The following PRDM11 variants were observed in gnomAD, a reference collection of about 807,000 sequenced individuals.
PRDM11 encodes PR domain-containing protein 11.
Under a neutral mutation model 97.8 loss-of-function variants are expected in PRDM11, and 20 were observed. The observed-to-expected ratio is 0.20, with a 90% CI of 0.14 to 0.30. PRDM11 has a LOEUF of 0.30. Ranked by LOEUF, PRDM11 falls within the 10% of genes least tolerant of loss-of-function variation. The probability of loss-of-function intolerance (pLI) is 1.00; values close to 1 mark genes in which losing one functional copy is unlikely to be tolerated. For missense variants in PRDM11, 1,139 were observed against 1,555.2 expected, an observed-to-expected ratio of 0.73 and a Z score of 4.50; for synonymous variants, 599 against 637.7, an observed-to-expected ratio of 0.94 and a Z score of 0.91.
intron 1 of PRDM11, among the ~76,000 whole-genome samples, chr11:45,132,742 C>G (rs1852746916): frequency 6.6e-6 from 1 of 152,186 alleles, no homozygotes; most frequent in South Asian, 2.1e-4. Context: ...AAGTCAACCT[C>G]TTACAGGAAA....
At chr11:45,209,257 G>T in intron 5 of PRDM11, 1 of 380,628 alleles carries the variant, frequency 2.6e-6, no homozygotes, top group Non-Finnish European at 5.3e-6. Context: ...GGCTTCCCCA[G>T]GGCGGAACTG....
intron 5 of PRDM11, chr11:45,215,700 A>G (rs1049262026): frequency 6.6e-6 from 1 of 152,250 alleles, no homozygotes; most frequent in African/African-American, 2.4e-5. Flanking sequence ...GGTGAGAGAC[A>G]GAAATGAATT....
Position 45,098,382 on chromosome 11 carries a change from A to G in PRDM11, c.96+2481A>G, listed in dbSNP as rs535183112. 4.7e-3 allele frequency among the ~76,000 whole-genome samples: 722 copies of G among 152,352 alleles called. 2 individuals are homozygous for G. Among genetic ancestry groups the G allele is most frequent in the Non-Finnish European group, 8.1e-3 (552 of 68,028 alleles). ...CTCTGCACCAGACACCAGGGAAGGA[A>G]GAGCACAGATGAATGGAGACTGTGC... On this transcript the variant is annotated intron_variant, in intron 1 of 6. Coordinates refer to the PRDM11 transcript ENST00000530656.
chr11:45,233,159 G>A lies in PRDM11; in HGVS notation c.*5000G>A, dbSNP rs1465883808. On this transcript the variant is annotated 3_prime_UTR_variant, in exon 8 of 8. Coordinates refer to ENST00000683152, the MANE Select transcript of PRDM11 (RefSeq NM_001384648.1). Reference sequence around the variant, plus strand: ...TGTTTTAAATAGATATAAAAATAGAGTCTATAGAGCTGGGAGAGCAGTGGG... The same window carrying A: ...TGTTTTAAATAGATATAAAAATAGAATCTATAGAGCTGGGAGAGCAGTGGG... The A allele has an allele frequency of 7.9e-5, 12 of 152,204 alleles. No homozygotes were observed. The highest frequency in any genetic ancestry group is 6.5e-4 in the Admixed American group (10 of 15,276). 9.4% of individuals were successfully genotyped at this position (152,204 alleles called of 1,614,324 possible). A position where few individuals can be genotyped will look rare whatever the true frequency, so the allele number is the denominator to read the frequency against.
chr11:45,123,250 G>A (rs1379981557), intron 1 of PRDM11, among the ~76,000 whole-genome samples: 2 of 152,152 alleles, frequency 1.3e-5, no homozygotes. Flanking sequence ...TTAGCCCTTT[G>A]TCAGATGAGT....
chr11:45,119,577 G>A (rs1183225964), intron 1 of PRDM11, among the ~76,000 whole-genome samples: 1 of 133,060 alleles, frequency 7.5e-6, no homozygotes, highest in African/African-American at 2.8e-5. Context: ...CCTGCAGTGA[G>A]TGCCACTGCA....
chr11:45,182,711 A>G, intron 3 of PRDM11, 150 bp from the exon 4 acceptor site: 3 of 992,980 alleles, frequency 3.0e-6, no homozygotes, highest in African/African-American at 1.6e-5. Flanking sequence ...TGGAGCCCCC[A>G]GGGAGAGTAT....
In PRDM11 at chr11:45,128,858, T is replaced by C. The variant is rs75261476; in HGVS notation, c.96+32957T>C. 2.9e-3 allele frequency among the ~76,000 whole-genome samples: 437 copies of C among 152,220 alleles called. 6 individuals are homozygous for C. The East Asian group carries it at 0.037, about 13-fold the overall frequency. On this transcript the variant is annotated intron_variant, in intron 1 of 6. Transcript: ENST00000530656. ...AATCTGACATTTTATTATTATATTT[T>C]ATAAGAAAGGAAAGAAAAAATTGCA...
chr11:45,228,133 G>A lies in PRDM11; in HGVS notation c.3508G>A (p.Gly1170Arg), dbSNP rs77051890. 1.9e-3 allele frequency: 2,897 copies of A among 1,527,054 alleles called. 59 individuals are homozygous for A. The African/African-American group carries it at 0.035, about 18-fold the overall frequency. The allele number at this position is 1,527,054 out of a possible 1,614,324, so 94.6% of individuals were successfully genotyped here. ...GCCAGCACTACAGACCATGGACCAC[G>A]GGACGGAGTTTTACCCCGACATTTA... ...QKPALQTMDH[G>R]TEFYPDI is the part of the protein sequence containing the mutation. The change falls in exon 8 of 8, where the codon GGG becomes AGG. Residue 1170 changes from glycine to arginine, a missense_variant. Gly to Arg is a moderately radical substitution (Grantham distance 125). Around this residue, in one of 2 missense-constraint regions of PRDM11, gnomAD observed 710 missense variants for 1,044.9 expected, o/e 0.68. Transcript: ENST00000683152.
intron 1 of PRDM11, among the ~76,000 whole-genome samples, chr11:45,115,928 CA>C (rs1179136677): frequency 2.6e-3 from 147 of 56,460 alleles, no homozygotes; most frequent in Middle Eastern, 0.018. Context: ...AACTCCATCT[CA>C]AAAAAAAAAA....
At chr11:45,170,423 G>T (rs1453666446) in intron 1 of PRDM11, among the ~76,000 whole-genome samples, 1 of 152,168 alleles carries the variant, frequency 6.6e-6, no homozygotes, top group Non-Finnish European at 1.5e-5. Flanking sequence ...GGAAGCCAGA[G>T]AAAGTAACAT....
rs1320486007 is a variant in PRDM11 at position 45,127,499 on chromosome 11, T to A, written c.96+31598T>A. On this transcript the variant is annotated intron_variant, in intron 1 of 6. Coordinates refer to the PRDM11 transcript ENST00000530656. The stretch of plus-strand genomic sequence containing the variant: ...CTTTTGGTCTTTGATGATGGTGATG[T>A]ACAGATGGGTTTTTGGTGTGGATGT... 2.6e-5 allele frequency among the ~76,000 whole-genome samples: 4 copies of A among 152,366 alleles called. No homozygotes were observed. The South Asian group carries it at 8.3e-4, about 32-fold the overall frequency.
rs188079925 is a variant in PRDM11, at chr11:45,116,681, T to C, written c.96+20780T>C. ...AGAAATGTGAGAAAATAATTTTTTG[T>C]TGTTTAAGCCACCCAGTCTTTTGTA... is the stretch of plus-strand genomic sequence containing the variant. On this transcript the variant is annotated intron_variant, in intron 1 of 6. Coordinates refer to the PRDM11 transcript ENST00000530656. Among the ~76,000 whole-genome samples, 896 of 152,312 alleles carry C rather than the reference T, an allele frequency of 5.9e-3. 4 individuals are homozygous for C. The highest frequency in any genetic ancestry group is 0.031 in the Middle Eastern group (9 of 294).
At chr11:45,194,889 C>T (rs368386918) in intron 4 of PRDM11, among the ~76,000 whole-genome samples, 6 of 152,108 alleles carry the variant, frequency 3.9e-5, no homozygotes, top group Admixed American at 2.0e-4. Context: ...TGAGCCACCG[C>T]GCCCGGCCAG....
intron 4 of PRDM11, among the ~76,000 whole-genome samples, chr11:45,188,935 C>T (rs1327856715): frequency 2.0e-5 from 3 of 152,190 alleles, no homozygotes; most frequent in Non-Finnish European, 2.9e-5. Context: ...GAGTTTTGCT[C>T]TCGTTACCCA....
Position 45,226,689 on chromosome 11 carries a change from C to T in PRDM11, c.2064C>T (p.Ala688=), listed in dbSNP as rs1412029030. The T allele has an allele frequency of 2.0e-6, 3 of 1,533,990 alleles. No individual in the cohort carries two copies. Among genetic ancestry groups the T allele is most frequent in the South Asian group, 2.4e-5 (2 of 83,966 alleles). ...ACACCAGCAGTGATGGGCCCCCGGCCACAGAGTTCCTGTCCCTGCAGGAGC... is the reference window on the plus strand; with the variant it reads ...ACACCAGCAGTGATGGGCCCCCGGCTACAGAGTTCCTGTCCCTGCAGGAGC... The part of the protein sequence containing the change: ...VQYTSSDGPP[A]TEFLSLQELG... The change falls in exon 8 of 8, where the codon GCC becomes GCT. Residue 688 remains alanine, a synonymous_variant. Coordinates refer to ENST00000683152, the MANE Select transcript of PRDM11 (RefSeq NM_001384648.1).
intron 4 of PRDM11, among the ~76,000 whole-genome samples, chr11:45,201,343 C>T (rs1853319382): frequency 6.6e-6 from 1 of 152,166 alleles, no homozygotes. Flanking sequence ...GAAAATTTAA[C>T]AGTTGGCTCT....
At chr11:45,108,463 TG>T (rs553383083) in intron 1 of PRDM11, among the ~76,000 whole-genome samples, 68 of 152,330 alleles carry the variant, frequency 4.5e-4, no homozygotes, top group African/African-American at 1.6e-3. Flanking sequence ...ATGTGCCCAC[TG>T]CTCTGTGAAA....
chr11:45,143,745 T>C (rs908239942), upstream of PRDM11, among the ~76,000 whole-genome samples: 1 of 152,234 alleles, frequency 6.6e-6, no homozygotes, highest in Non-Finnish European at 1.5e-5. Flanking sequence ...CAAAAAATAG[T>C]GATGATGATA....
Sources: gnomAD v4.1 joint callset for allele counts (sites outside exome capture counted in the v4.1 genomes callset) on GRCh38, gnomAD v4.1.1 for gene constraint, gnomAD v4.1.1 regional missense constraint, MANE v1.5 for transcripts, NCBI Gene and HGNC (gene_info 2026-07-23, HGNC 2026-07-21) for gene names.